The following KHDRBS2 variants were observed in gnomAD, a reference collection of about 807,000 sequenced individuals.
The protein encoded by KHDRBS2 is KH RNA binding domain containing, signal transduction associated 2, also known as KH domain-containing, RNA-binding, signal transduction-associated protein 2.
KHDRBS2 carries 26 observed loss-of-function variants against 44.3 expected under a neutral mutation model. That is an observed-to-expected ratio of 0.59 (90% CI 0.43 to 0.81). KHDRBS2 has a LOEUF of 0.81. Ranked by LOEUF, KHDRBS2 falls within the 40% of genes least tolerant of loss-of-function variation. The probability of loss-of-function intolerance (pLI) is 0.00; values close to 1 mark genes in which losing one functional copy is unlikely to be tolerated. For synonymous variants in KHDRBS2, 194 were observed against 151.1 expected (o/e 1.28, Z -2.08); for missense variants, 476 against 433.1 (o/e 1.10, Z -0.88).
At chr6:61,690,159 T>C (rs1016641299) in intron 8 of KHDRBS2, among the ~76,000 whole-genome samples, 1 of 152,016 alleles carries the variant, frequency 6.6e-6, no homozygotes, top group Non-Finnish European at 1.5e-5. Context: ...CTGGAAATTC[T>C]GTAATGATTT....
chr6:61,708,167 T>C (rs1769898732), intron 7 of KHDRBS2, among the ~76,000 whole-genome samples: 1 of 151,606 alleles, frequency 6.6e-6, no homozygotes, highest in Non-Finnish European at 1.5e-5. Flanking sequence ...GATTATTTGC[T>C]TTGCTGAGAA....
chr6:61,983,730 G>A (rs1318608261), intron 3 of KHDRBS2, among the ~76,000 whole-genome samples: 1 of 152,070 alleles, frequency 6.6e-6, no homozygotes, highest in East Asian at 1.9e-4. Flanking sequence ...TTATAATCAA[G>A]CCAAATCAAA....
At chr6:61,857,221 T>C (rs934939199) in intron 6 of KHDRBS2, among the ~76,000 whole-genome samples, 18 of 152,182 alleles carry the variant, frequency 1.2e-4, no homozygotes, top group Non-Finnish European at 2.4e-4. Context: ...AATGGGAAAA[T>C]TTTCTGTTGA....
chr6:61,682,139 C>T (rs779992258), intron 8 of KHDRBS2, among the ~76,000 whole-genome samples: 2 of 151,866 alleles, frequency 1.3e-5, no homozygotes, highest in East Asian at 2.0e-4. Flanking sequence ...ATAGTTCCTC[C>T]GATCATAAGA....
chr6:61,582,669 A>G, the KHDRBS2 span, among the ~76,000 whole-genome samples: 1 of 147,452 alleles, frequency 6.8e-6, no homozygotes, highest in Admixed American at 6.9e-5. Context: ...AAATCTTCAT[A>G]TTCCTTATGG....
At chr6:61,633,527 G>A in the KHDRBS2 span, among the ~76,000 whole-genome samples, 2 of 151,984 alleles carry the variant, frequency 1.3e-5, no homozygotes, top group African/African-American at 4.8e-5. Context: ...ATCTGGCTTA[G>A]GTATTCTCCT....
At chr6:62,264,991 T>C (rs1838957641) in intron 1 of KHDRBS2, among the ~76,000 whole-genome samples, 1 of 151,764 alleles carries the variant, frequency 6.6e-6, no homozygotes. Flanking sequence ...ATTTCAACTA[T>C]CTAATATGAA....
chr6:61,671,363 T>C, the KHDRBS2 span, among the ~76,000 whole-genome samples: 1 of 151,618 alleles, frequency 6.6e-6, no homozygotes, highest in Non-Finnish European at 1.5e-5. Flanking sequence ...GTTCATTCTG[T>C]ATTTTTTTGT....
At chr6:62,122,301 T>C (rs1393104362) in intron 2 of KHDRBS2, among the ~76,000 whole-genome samples, 4 of 152,136 alleles carry the variant, frequency 2.6e-5, no homozygotes, top group Non-Finnish European at 5.9e-5. Context: ...ATAACCATCC[T>C]CCTTTCGACA....
chr6:61,775,700 G>A (rs529658968), intron 6 of KHDRBS2, among the ~76,000 whole-genome samples: 39 of 152,264 alleles, frequency 2.6e-4, no homozygotes, highest in East Asian at 2.5e-3. Context: ...TCAATATTGC[G>A]AAAATGGCCA....
At chr6:62,255,061 C>T (rs1408020728) in intron 1 of KHDRBS2, among the ~76,000 whole-genome samples, 1 of 151,954 alleles carries the variant, frequency 6.6e-6, no homozygotes, top group Admixed American at 6.6e-5. Flanking sequence ...ATAAACTCTG[C>T]TCAAGATCAT....
chr6:61,848,510 TGTATATATGTA>T (rs2127280117), intron 6 of KHDRBS2, among the ~76,000 whole-genome samples: 1 of 48,148 alleles, frequency 2.1e-5, no homozygotes, highest in East Asian at 4.2e-4. Flanking sequence ...TATATATATA[TGTATATATGTA>T]TATATATATA....
chr6:61,963,242 G>A (rs1769158804), intron 4 of KHDRBS2, among the ~76,000 whole-genome samples: 2 of 152,020 alleles, frequency 1.3e-5, no homozygotes, highest in South Asian at 4.1e-4. Context: ...GGTATTTAAT[G>A]ATATGGAATA....
intron 4 of KHDRBS2, among the ~76,000 whole-genome samples, chr6:61,932,035 T>C (rs1186082592): frequency 1.3e-5 from 2 of 152,244 alleles, no homozygotes; most frequent in African/African-American, 2.4e-5. Flanking sequence ...ATATAATATG[T>C]ATAAAATTTT....
chr6:61,559,685 C>T, the KHDRBS2 span, among the ~76,000 whole-genome samples: 1 of 152,068 alleles, frequency 6.6e-6, no homozygotes, highest in South Asian at 2.1e-4. Flanking sequence ...AAGAAACAAG[C>T]AAATAGACAA....
At chr6:62,267,592 A>G (rs1490124246) in intron 1 of KHDRBS2, among the ~76,000 whole-genome samples, 2 of 152,026 alleles carry the variant, frequency 1.3e-5, no homozygotes, top group Non-Finnish European at 2.9e-5. Context: ...TAGAAAGTGG[A>G]GCACGTAAGC....
At chr6:61,553,348 T>G in the KHDRBS2 span, among the ~76,000 whole-genome samples, 1 of 152,080 alleles carries the variant, frequency 6.6e-6, no homozygotes. Flanking sequence ...AGTGGTAACA[T>G]CCCGTTTGTC....
intron 2 of KHDRBS2, among the ~76,000 whole-genome samples, chr6:62,068,436 A>C (rs1185716594): frequency 6.6e-6 from 1 of 151,410 alleles, no homozygotes; most frequent in Non-Finnish European, 1.5e-5. Context: ...TGATTTGCTA[A>C]TATTTTCTTC....
At chr6:61,640,817 T>G in the KHDRBS2 span, among the ~76,000 whole-genome samples, 1 of 152,128 alleles carries the variant, frequency 6.6e-6, no homozygotes, top group Non-Finnish European at 1.5e-5. Context: ...GTAAGAAATT[T>G]TGGACGTGGC....
Sources: allele counts gnomAD v4.1 joint callset (sites outside exome capture counted in the v4.1 genomes callset), GRCh38; gene constraint gnomAD v4.1.1; transcripts MANE v1.5; gene names NCBI Gene and HGNC (gene_info 2026-07-23, HGNC 2026-07-21).